Variants in SCAP observed in about 807,000 individuals in gnomAD.
SCAP encodes SREBF chaperone.
SCAP carries 65 observed loss-of-function variants against 123.6 expected under a neutral mutation model. The ratio of observed to expected loss-of-function variants is 0.53; its 90% confidence interval spans 0.43 to 0.65. SCAP has a LOEUF of 0.65. SCAP is among the 30% of genes least tolerant of loss of function. The pLI is 0.00. For missense variants in SCAP, 1,398 were observed against 1,712.5 expected (o/e 0.82, Z 3.24); for synonymous variants, 740 against 726.3 (o/e 1.02, Z -0.30).
In SCAP at chr3:47,419,178, A is replaced by C; in HGVS notation, c.1940+150T>G. ...ACCTGGGACTCCTCTCTTGGGTTATAGCTGCCTAAACCACCAGTTCCCACC... is the reference window on the plus strand; with the variant it reads ...ACCTGGGACTCCTCTCTTGGGTTATCGCTGCCTAAACCACCAGTTCCCACC... On this transcript the variant is annotated intron_variant, in intron 13 of 22. Coordinates refer to ENST00000265565, the MANE Select transcript of SCAP (RefSeq NM_012235.4). This position sits in a 1 kb window ranked among gnomAD's most constrained non-coding sequence, Gnocchi z 5.0. 9.0e-7 allele frequency: 1 copy of C among 1,115,888 alleles called. No individual in the cohort carries two copies. Among genetic ancestry groups the C allele is most frequent in the Non-Finnish European group, 1.2e-6 (1 of 806,308 alleles). The allele number at this position is 1,115,888 out of a possible 1,614,324, so 69.1% of individuals were successfully genotyped here. A position where few individuals can be genotyped will look rare whatever the true frequency, so the allele number is the denominator to read the frequency against.
At chr3:47,427,943 C>G (rs1245830879) in intron 4 of SCAP, among the ~76,000 whole-genome samples, 4 of 152,188 alleles carry the variant, frequency 2.6e-5, no homozygotes, top group Non-Finnish European at 5.9e-5. Flanking sequence ...CAACCCCACC[C>G]ACTAAAACAC....
chr3:47,416,186 G>A (rs1378337182), intron 18 of SCAP, among the ~76,000 whole-genome samples: 3 of 152,224 alleles, frequency 2.0e-5, no homozygotes, highest in Admixed American at 6.5e-5. Context: ...GAGCCAGTGT[G>A]GGACAGGCAG....
At chr3:47,453,299 T>C (rs1271469778) in intron 1 of SCAP, among the ~76,000 whole-genome samples, 2 of 152,026 alleles carry the variant, frequency 1.3e-5, no homozygotes, top group East Asian at 1.9e-4. Context: ...TCCCGGCACT[T>C]TGGGAGGCTG....
At chr3:47,471,515 G>A (rs543021034) in intron 1 of SCAP, among the ~76,000 whole-genome samples, 7 of 152,194 alleles carry the variant, frequency 4.6e-5, no homozygotes, top group Middle Eastern at 3.4e-3. Context: ...TACTACAGGC[G>A]CATGCCACCA....
intron 1 of SCAP, among the ~76,000 whole-genome samples, chr3:47,467,099 GA>G (rs1391002481): frequency 0.016 from 1,365 of 87,960 alleles, 13 homozygotes; most frequent in African/African-American, 0.047. Flanking sequence ...TCTTAAAAAA[GA>G]AAAAAAAAAA....
chr3:47,453,576 G>A (rs893625853), intron 1 of SCAP, among the ~76,000 whole-genome samples: 1 of 152,092 alleles, frequency 6.6e-6, no homozygotes, highest in Non-Finnish European at 1.5e-5. Context: ...TATAAACCAT[G>A]TGTCAGCCTC....
intron 1 of SCAP, among the ~76,000 whole-genome samples, chr3:47,474,100 C>T (rs1403694107): frequency 6.6e-6 from 1 of 152,078 alleles, no homozygotes; most frequent in Non-Finnish European, 1.5e-5. Context: ...CCCGTCTCTA[C>T]TAAAAATACA....
rs532049523 is a variant in SCAP, at chr3:47,450,457, G to C, written c.-98-7366C>G. Reference sequence around the variant, plus strand: ...ACAAAAAGTGCACAAAAGGAGAATAGAGGGAAACGTTAGTAGTGGTTGCTT... The same window carrying C: ...ACAAAAAGTGCACAAAAGGAGAATACAGGGAAACGTTAGTAGTGGTTGCTT... On this transcript the variant is annotated intron_variant, in intron 1 of 22. Transcript: ENST00000265565. Among the ~76,000 whole-genome samples, 11 of 122,820 alleles carry C rather than the reference G, an allele frequency of 9.0e-5. 3 individuals are homozygous for C. In the South Asian group the frequency reaches 3.3e-3, roughly 37 times the overall value. The allele number at this position is 122,820 out of a possible 152,430, so 80.6% of individuals were successfully genotyped here.
At chr3:47,432,911 A>C (rs1167274804) in intron 3 of SCAP, among the ~76,000 whole-genome samples, 1 of 152,220 alleles carries the variant, frequency 6.6e-6, no homozygotes, top group Non-Finnish European at 1.5e-5. Context: ...GCCTTTAGCC[A>C]TAGGGCTTGG....
At position 47,418,120 on chromosome 3, in the gene SCAP, G is replaced by A. The variant is rs1048059289; in HGVS notation, c.2447+14C>T. On this transcript the variant is annotated intron_variant, in intron 16 of 22. Transcript: ENST00000265565. Reference sequence around the variant, plus strand: ...TTGTGGGGGCACAAAGGAGGAAAGGGCAGCCGCACCTACCCTGGGCGCGGA... The same window carrying A: ...TTGTGGGGGCACAAAGGAGGAAAGGACAGCCGCACCTACCCTGGGCGCGGA... 2.6e-6 allele frequency: 4 copies of A among 1,544,042 alleles called. No individual in the cohort carries two copies. In the South Asian group the frequency reaches 3.6e-5, roughly 14 times the overall value.
At chr3:47,427,112 T>C in intron 6 of SCAP, 45 bp downstream of exon 6, 2 of 1,398,528 alleles carry the variant, frequency 1.4e-6, no homozygotes, top group Non-Finnish European at 2.0e-6. Context: ...AAGCCTCATG[T>C]CACCCAGCAG....
At position 47,427,192 on chromosome 3, in the gene SCAP, G is replaced by A; in HGVS notation, c.702C>T (p.Tyr234=). The A allele has an allele frequency of 6.2e-7, 1 of 1,613,804 alleles. No homozygotes were observed. Among genetic ancestry groups the A allele is most frequent in the Non-Finnish European group, 8.5e-7 (1 of 1,179,766 alleles). Residue 234 remains tyrosine (Y), a synonymous_variant, in exon 6 of 23, where the codon TAC becomes TAT. Coordinates refer to ENST00000265565, the MANE Select transcript of SCAP (RefSeq NM_012235.4). ...SLYTRKRMVS[Y]TITLVFQHYH... ...AGTGCTGGAAGACCAGGGTGATGGT[G>A]TAGGAGACCATCCTCTTCCTGGTGT... is the stretch of plus-strand genomic sequence containing the variant.
intron 1 of SCAP, among the ~76,000 whole-genome samples, chr3:47,445,154 T>TG (rs1706980772): frequency 6.6e-6 from 1 of 152,186 alleles, no homozygotes; most frequent in African/African-American, 2.4e-5. Context: ...GATAAACATT[T>TG]GGGCAGTTTC....
intron 2 of SCAP, among the ~76,000 whole-genome samples, chr3:47,437,417 A>T (rs930334792): frequency 7.7e-6 from 1 of 129,310 alleles, no homozygotes; most frequent in African/African-American, 2.8e-5. Context: ...AGTGAAACTC[A>T]ATCTCAAAAA....
chr3:47,424,276 T>C (rs1408310780), intron 8 of SCAP, among the ~76,000 whole-genome samples: 1 of 152,234 alleles, frequency 6.6e-6, no homozygotes, highest in Non-Finnish European at 1.5e-5. Flanking sequence ...GCAGCCATCC[T>C]GTCTCTAGCC....
At position 47,418,117 on chromosome 3, in the gene SCAP, A is replaced by G; in HGVS notation, c.2447+17T>C. The G allele has an allele frequency of 6.5e-7, 1 of 1,543,032 alleles. No individual in the cohort carries two copies. Among genetic ancestry groups the G allele is most frequent in the South Asian group, 1.2e-5 (1 of 83,906 alleles). On this transcript the variant is annotated intron_variant, in intron 16 of 22. Transcript: ENST00000265565. ...GGGTTGTGGGGGCACAAAGGAGGAA[A>G]GGGCAGCCGCACCTACCCTGGGCGC... is the stretch of plus-strand genomic sequence containing the variant.
In SCAP at chr3:47,428,526, C is replaced by T. The variant is rs1576270111; in HGVS notation, c.397G>A (p.Val133Met). The T allele has an allele frequency of 3.7e-6, 6 of 1,614,110 alleles. No individual in the cohort carries two copies. Among genetic ancestry groups the T allele is most frequent in the African/African-American group, 1.3e-5 (1 of 75,042 alleles). Reference sequence around the variant, plus strand: ...TGAGAGGGGTACCTGTCTCTCAGCACGTGGTTCCGGATCTCCTCCACCAGT... The same window carrying T: ...TGAGAGGGGTACCTGTCTCTCAGCATGTGGTTCCGGATCTCCTCCACCAGT... ...FQLVEEIRNH[V>M]LRDSSGIRSL... Residue 133 changes from valine to methionine, a missense_variant, in exon 4 of 23, where the codon GTG becomes ATG. Around this residue, in one of 7 missense-constraint regions of SCAP, gnomAD observed 319 missense variants for 432.4 expected, o/e 0.74. Transcript: ENST00000265565.
intron 6 of SCAP, among the ~76,000 whole-genome samples, chr3:47,426,866 C>A (rs757059187): frequency 1.3e-5 from 2 of 152,180 alleles, no homozygotes; most frequent in Non-Finnish European, 2.9e-5. Flanking sequence ...TCAGTAGTAA[C>A]CAGCTGGGGA....
chr3:47,441,044 G>A (rs899796703), intron 2 of SCAP, among the ~76,000 whole-genome samples: 58 of 151,934 alleles, frequency 3.8e-4, no homozygotes, highest in African/African-American at 1.3e-3. Context: ...GGGGACTACA[G>A]GTGCAGGCCA....
Sources: allele counts gnomAD v4.1 joint callset (sites outside exome capture counted in the v4.1 genomes callset), GRCh38; gene constraint gnomAD v4.1.1; regional missense constraint gnomAD v4.1.1; non-coding constraint Gnocchi (gnomAD v3.1); transcripts MANE v1.5; gene names NCBI Gene and HGNC (gene_info 2026-07-23, HGNC 2026-07-21).